The following ALK variants were observed in gnomAD, a reference collection of about 807,000 sequenced individuals.
The protein encoded by ALK is ALK receptor tyrosine kinase.
ALK carries 74 observed loss-of-function variants against 163.1 expected under a neutral mutation model. That is an observed-to-expected ratio of 0.45 (90% CI 0.38 to 0.55). The LOEUF (loss-of-function observed/expected upper bound fraction) is 0.55. ALK is among the 20% of genes least tolerant of loss of function. The pLI is 0.00. For missense variants in ALK, 2,063 were observed against 2,105.3 expected (o/e 0.98, Z 0.39); for synonymous variants, 960 against 843.2 (o/e 1.14, Z -2.40).
At chr2:29,431,040 G>C (rs1670260700) in intron 4 of ALK, among the ~76,000 whole-genome samples, 1 of 151,100 alleles carries the variant, frequency 6.6e-6, no homozygotes, top group Admixed American at 6.6e-5. Context: ...AAGAGTAAGA[G>C]TTCTTAGAAA....
chr2:29,865,262 A>G (rs1666403192), intron 1 of ALK, among the ~76,000 whole-genome samples: 1 of 152,226 alleles, frequency 6.6e-6, no homozygotes, highest in Non-Finnish European at 1.5e-5. Flanking sequence ...CACAGTGACT[A>G]GAAACCTAAT....
Position 29,232,518 on chromosome 2 carries a change from T to C in ALK, c.2488-70A>G, listed in dbSNP as rs575557666. On this transcript the variant is annotated intron_variant, in intron 14 of 28. Coordinates refer to ENST00000389048, the MANE Select transcript of ALK (RefSeq NM_004304.5). ...TCCCCCTGGAGCCCCTAAGCTCTGG[T>C]AAATTCAACCTGACTGAGGGTTTGC... 8.4e-5 allele frequency: 135 copies of C among 1,602,284 alleles called. No individual in the cohort carries two copies. In the South Asian group the frequency reaches 1.4e-3, roughly 17 times the overall value.
At chr2:29,463,841 C>T (rs1179971553) in intron 4 of ALK, among the ~76,000 whole-genome samples, 1 of 152,178 alleles carries the variant, frequency 6.6e-6, no homozygotes. Flanking sequence ...TACCAGAAAT[C>T]ATCAGGCTGA....
chr2:29,548,826 T>TG (rs138094286), intron 3 of ALK, among the ~76,000 whole-genome samples: 5 of 152,108 alleles, frequency 3.3e-5, no homozygotes, highest in African/African-American at 1.2e-4. Context: ...TTATTTACCT[T>TG]GGGGGGGATG....
intron 3 of ALK, among the ~76,000 whole-genome samples, chr2:29,614,664 A>T (rs1388846957): frequency 6.6e-6 from 1 of 152,200 alleles, no homozygotes; most frequent in Non-Finnish European, 1.5e-5. Flanking sequence ...TTTAGCCAGA[A>T]TCCCCTACTC....
chr2:29,390,626 GA>G (rs1382585595), intron 4 of ALK, among the ~76,000 whole-genome samples: 1 of 151,136 alleles, frequency 6.6e-6, no homozygotes, highest in African/African-American at 2.4e-5. Flanking sequence ...ATCCTACAGG[GA>G]AAAAAAACAC....
intron 1 of ALK, among the ~76,000 whole-genome samples, chr2:29,755,451 A>G (rs1167136924): frequency 6.6e-6 from 1 of 152,208 alleles, no homozygotes; most frequent in African/African-American, 2.4e-5. Flanking sequence ...ATTTTACCAC[A>G]GCACCTATTT....
intron 4 of ALK, among the ~76,000 whole-genome samples, chr2:29,392,803 A>T (rs994968603): frequency 6.6e-6 from 1 of 152,208 alleles, no homozygotes; most frequent in African/African-American, 2.4e-5. Context: ...TGCTTGCTGG[A>T]TTAGCACAAG....
intron 3 of ALK, among the ~76,000 whole-genome samples, chr2:29,608,971 C>T (rs1460359555): frequency 6.6e-6 from 1 of 152,088 alleles, no homozygotes; most frequent in Non-Finnish European, 1.5e-5. Context: ...GTCATTCAGG[C>T]TGGGTGCAGT....
intron 4 of ALK, among the ~76,000 whole-genome samples, chr2:29,515,841 A>G (rs1356602490): frequency 2.0e-5 from 3 of 152,256 alleles, no homozygotes; most frequent in African/African-American, 7.2e-5. Flanking sequence ...AATTAAGTAT[A>G]GGCATCAAAA....
intron 16 of ALK, among the ~76,000 whole-genome samples, chr2:29,228,564 A>T (rs1664082730): frequency 6.6e-6 from 1 of 152,086 alleles, no homozygotes. Flanking sequence ...AGGCCATCCA[A>T]GGGAGGCTGG....
chr2:29,353,381 G>A (rs1668165699), intron 5 of ALK, among the ~76,000 whole-genome samples: 1 of 152,112 alleles, frequency 6.6e-6, no homozygotes, highest in Non-Finnish European at 1.5e-5. Flanking sequence ...CACTTTTTGT[G>A]TATTTACATT....
At chr2:29,229,475 G>A (rs556076760) in intron 15 of ALK, among the ~76,000 whole-genome samples, 122 of 152,236 alleles carry the variant, frequency 8.0e-4, no homozygotes, top group Admixed American at 2.0e-3. Context: ...ACTGCCTCCC[G>A]TCCTAACGAG....
At chr2:29,766,767 C>T (rs913167814) in intron 1 of ALK, among the ~76,000 whole-genome samples, 5 of 152,180 alleles carry the variant, frequency 3.3e-5, no homozygotes, top group African/African-American at 1.2e-4. Context: ...TACTTTTCCA[C>T]CTGCCATCCT....
intron 3 of ALK, among the ~76,000 whole-genome samples, chr2:29,563,989 C>A (rs1674102845): frequency 6.6e-6 from 1 of 152,170 alleles, no homozygotes; most frequent in Non-Finnish European, 1.5e-5. Context: ...TTCCCCCTTC[C>A]CAATATAAAA....
chr2:29,531,648 C>T (rs1673122515), intron 4 of ALK, among the ~76,000 whole-genome samples: 1 of 152,160 alleles, frequency 6.6e-6, no homozygotes, highest in African/African-American at 2.4e-5. Flanking sequence ...GGGAAATGAA[C>T]ATCTTTAACA....
At chr2:29,679,715 T>C (rs187987972) in intron 3 of ALK, among the ~76,000 whole-genome samples, 1 of 134,844 alleles carries the variant, frequency 7.4e-6, no homozygotes, top group East Asian at 2.3e-4. Flanking sequence ...TCTTTTAAGA[T>C]GTTAAGAGAA....
intron 1 of ALK, among the ~76,000 whole-genome samples, chr2:29,772,214 C>T (rs990785941): frequency 3.9e-5 from 6 of 152,080 alleles, no homozygotes; most frequent in African/African-American, 1.4e-4. Flanking sequence ...GAGGTTGACA[C>T]AGTGATACAA....
chr2:29,377,585 G>A (rs1259184710), intron 5 of ALK, among the ~76,000 whole-genome samples: 1 of 152,136 alleles, frequency 6.6e-6, no homozygotes, highest in Admixed American at 6.5e-5. Context: ...GGAACAGGTG[G>A]GTTCTAGGCG....
Sources: allele counts gnomAD v4.1 joint callset (sites outside exome capture counted in the v4.1 genomes callset), GRCh38; gene constraint gnomAD v4.1.1; transcripts MANE v1.5; gene names NCBI Gene and HGNC (gene_info 2026-07-23, HGNC 2026-07-21).